Variants in CNOT6 observed in about 807,000 individuals in gnomAD.
CNOT6 encodes carbon catabolite repression 4 protein.
CNOT6 carries 12 observed loss-of-function variants against 61.2 expected under a neutral mutation model. The ratio of observed to expected loss-of-function variants is 0.20; its 90% confidence interval spans 0.13 to 0.32. CNOT6 has a LOEUF of 0.32. Ranked by LOEUF, CNOT6 falls within the 10% of genes least tolerant of loss-of-function variation. The pLI is 1.00. For synonymous variants in CNOT6, 225 were observed against 240.6 expected (o/e 0.94, Z 0.60); for missense variants, 405 against 663.9 (o/e 0.61, Z 4.28).
chr5:180,536,296 G>C (rs1758696101), intron 2 of CNOT6, among the ~76,000 whole-genome samples: 1 of 152,008 alleles, frequency 6.6e-6, no homozygotes, highest in Non-Finnish European at 1.5e-5. Flanking sequence ...ACCGTGCCTG[G>C]CCTAGGGTTG....
chr5:180,520,056 A>G (rs1483336465), intron 1 of CNOT6, among the ~76,000 whole-genome samples: 2 of 149,338 alleles, frequency 1.3e-5, no homozygotes, highest in Non-Finnish European at 3.0e-5. Context: ...CTGGTCTTGA[A>G]CTCCTGACCT....
chr5:180,530,948 G>A (rs954971461), intron 2 of CNOT6, among the ~76,000 whole-genome samples: 14 of 152,322 alleles, frequency 9.2e-5, no homozygotes, highest in African/African-American at 3.4e-4. Flanking sequence ...ACAAAATGGA[G>A]TCTCCCATGT....
At chr5:180,541,850 ATTT>A (rs1159682153) in intron 2 of CNOT6, among the ~76,000 whole-genome samples, 1 of 149,458 alleles carries the variant, frequency 6.7e-6, no homozygotes, top group African/African-American at 2.5e-5. Flanking sequence ...GGCCAGAGAA[ATTT>A]TTTTAGCAGA....
chr5:180,504,955 ATTT>A (rs769852255), intron 1 of CNOT6, among the ~76,000 whole-genome samples: 21 of 101,504 alleles, frequency 2.1e-4, no homozygotes, highest in South Asian at 1.0e-3. Flanking sequence ...GTACTAGTTA[ATTT>A]TTTTTTTTTT....
At chr5:180,499,368 C>G (rs1300691654) in intron 1 of CNOT6, among the ~76,000 whole-genome samples, 1 of 152,160 alleles carries the variant, frequency 6.6e-6, no homozygotes, top group Admixed American at 6.5e-5. Flanking sequence ...ATCAAAGCCA[C>G]CAAGCTTAAA....
chr5:180,576,497 G>A lies in CNOT6; in HGVS notation c.*2297G>A, dbSNP rs1442696271. 1 of 152,618 alleles carries A rather than the reference G, an allele frequency of 6.6e-6. No homozygotes were observed. The highest frequency in any genetic ancestry group is 6.5e-5 in the Admixed American group (1 of 15,276). The allele number at this position is 152,618 out of a possible 1,614,324, so 9.5% of individuals were successfully genotyped here. ...TGTCTACAATATATTTGAATTTGGGGCAGCATATTAAGATGTAATGGCCTG... is the reference window on the plus strand; with the variant it reads ...TGTCTACAATATATTTGAATTTGGGACAGCATATTAAGATGTAATGGCCTG... On this transcript the variant is annotated 3_prime_UTR_variant, in exon 12 of 12. Coordinates refer to ENST00000261951, the MANE Select transcript of CNOT6 (RefSeq NM_001370472.1).
chr5:180,541,363 TCC>T (rs1244923407), intron 2 of CNOT6, among the ~76,000 whole-genome samples: 1 of 149,074 alleles, frequency 6.7e-6, no homozygotes, highest in Non-Finnish European at 1.5e-5. Context: ...GGCCTCGAAC[TCC>T]TGACCTCGTG....
chr5:180,509,577 T>G (rs1757287311), intron 1 of CNOT6, among the ~76,000 whole-genome samples: 1 of 151,454 alleles, frequency 6.6e-6, no homozygotes, highest in Non-Finnish European at 1.5e-5. Flanking sequence ...CCACCACACC[T>G]GGCTAATTTT....
intron 4 of CNOT6, among the ~76,000 whole-genome samples, chr5:180,557,076 G>A (rs1303503174): frequency 6.6e-6 from 1 of 152,060 alleles, no homozygotes; most frequent in Non-Finnish European, 1.5e-5. Flanking sequence ...TTGATAGTTT[G>A]TTCCTTTAAA....
chr5:180,572,076 TTGAG>T (rs1266581011), intron 11 of CNOT6, among the ~76,000 whole-genome samples: 2 of 152,202 alleles, frequency 1.3e-5, no homozygotes, highest in South Asian at 2.1e-4. Flanking sequence ...ATTATCTAGT[TTGAG>T]TGGCATTTGT....
At chr5:180,508,377 T>C (rs530710744) in intron 1 of CNOT6, among the ~76,000 whole-genome samples, 1 of 152,218 alleles carries the variant, frequency 6.6e-6, no homozygotes, top group Non-Finnish European at 1.5e-5. Context: ...AGTGACGCAA[T>C]CTTGGCTCAC....
At chr5:180,520,183 T>G (rs1234916692) in intron 1 of CNOT6, among the ~76,000 whole-genome samples, 1 of 152,210 alleles carries the variant, frequency 6.6e-6, no homozygotes, top group East Asian at 1.9e-4. Context: ...TTGGCAATTA[T>G]GAATAAAGTT....
intron 2 of CNOT6, among the ~76,000 whole-genome samples, chr5:180,547,501 C>T (rs1759372962): frequency 6.6e-6 from 1 of 151,596 alleles, no homozygotes; most frequent in Non-Finnish European, 1.5e-5. Context: ...GCCTGGGCAA[C>T]AGAGCGAGAC....
At chr5:180,527,491 T>C (rs1758155596) in intron 1 of CNOT6, among the ~76,000 whole-genome samples, 1 of 152,254 alleles carries the variant, frequency 6.6e-6, no homozygotes, top group Non-Finnish European at 1.5e-5. Context: ...AGTGTAACGT[T>C]CTGTAGTATT....
rs559826601 is a variant in CNOT6 at position 180,551,321 on chromosome 5, C to T, written c.299+1204C>T. 3.5e-4 allele frequency among the ~76,000 whole-genome samples: 53 copies of T among 152,292 alleles called. 1 individual carries two copies. The highest frequency in any genetic ancestry group is 1.2e-3 in the African/African-American group (50 of 41,572). ...GCAGTGAGCAGAGATCATGCCACTG[C>T]ACTCCAGCCTGGGTGACAGAGCAAG... On this transcript the variant is annotated intron_variant, in intron 3 of 11. Transcript: ENST00000261951.
intron 9 of CNOT6, 83 bp from the exon 10 acceptor site, chr5:180,569,027 T>G (rs1760612292): frequency 4.1e-6 from 4 of 967,298 alleles, no homozygotes; most frequent in South Asian, 1.6e-5. Context: ...TCTGAGAGAT[T>G]ATTTGCTTTC....
chr5:180,527,698 T>C (rs1212925583), intron 1 of CNOT6, among the ~76,000 whole-genome samples: 2 of 152,158 alleles, frequency 1.3e-5, no homozygotes, highest in African/African-American at 2.4e-5. Context: ...AAGCACGTAA[T>C]GTCTGGTTGT....
intron 2 of CNOT6, among the ~76,000 whole-genome samples, chr5:180,538,394 T>C (rs1369043667): frequency 6.9e-6 from 1 of 144,798 alleles, no homozygotes; most frequent in Non-Finnish European, 1.5e-5. Flanking sequence ...TCTCATTTAA[T>C]CCCTTCTTAG....
chr5:180,526,506 T>G (rs1758108907), intron 1 of CNOT6, among the ~76,000 whole-genome samples: 1 of 152,182 alleles, frequency 6.6e-6, no homozygotes, highest in Non-Finnish European at 1.5e-5. Context: ...GAAAGTCAGG[T>G]CATCAGCTGA....
Sources: gnomAD v4.1 joint callset for allele counts (sites outside exome capture counted in the v4.1 genomes callset) on GRCh38, gnomAD v4.1.1 for gene constraint, MANE v1.5 for transcripts, NCBI Gene and HGNC (gene_info 2026-07-23, HGNC 2026-07-21) for gene names.